Variants in SCN7A observed in about 807,000 individuals in gnomAD.
SCN7A encodes the protein sodium channel protein type 7 subunit alpha.
In SCN7A, 138 loss-of-function variants were observed where a neutral mutation model predicts 155.2. The observed-to-expected ratio is 0.89, with a 90% CI of 0.77 to 1.02. The LOEUF is 1.02. SCN7A is among the 50% of genes least tolerant of loss of function. The pLI, the probability that SCN7A is intolerant of heterozygous loss-of-function variation, is 0.00. For missense variants in SCN7A, 2,058 were observed against 1,986.6 expected (o/e 1.04, Z -0.68); for synonymous variants, 693 against 649.0 (o/e 1.07, Z -1.03).
At chr2:166,477,816 A>G in intron 2 of SCN7A, 106 bp from the exon 3 acceptor site, 1 of 603,768 alleles carries the variant, frequency 1.7e-6, no homozygotes, top group East Asian at 3.1e-5. Flanking sequence ...ATGCATTTAA[A>G]GAACATATTC....
At chr2:166,407,529 T>C (rs1701101054) in intron 25 of SCN7A, among the ~76,000 whole-genome samples, 4 of 151,936 alleles carry the variant, frequency 2.6e-5, no homozygotes, top group Admixed American at 2.6e-4. Flanking sequence ...AAGATGATAT[T>C]TCTCTCTGAT....
In SCN7A at chr2:166,410,427, T is replaced by TA. The variant is rs151313319; in HGVS notation, c.3607-104dup. 5,548 of 744,112 alleles carry TA rather than the reference T, an allele frequency of 7.5e-3. 245 individuals are homozygous for TA. In the East Asian group the frequency reaches 0.12, roughly 16 times the overall value. The allele number at this position is 744,112 out of a possible 1,614,324, so 46.1% of individuals were successfully genotyped here. A position where few individuals can be genotyped will look rare whatever the true frequency, so the allele number is the denominator to read the frequency against. ...CTTGGCAATTATTGATTTAATCTTC[T>TA]AAAAAAAAGGCTTAAGTGCAGTGAA... On this transcript the variant is annotated intron_variant, in intron 23 of 25. Coordinates refer to ENST00000643258, the MANE Select transcript of SCN7A (RefSeq NM_002976.4).
chr2:166,414,004 A>ATATATATATATATATATATAT (rs1559087806), intron 21 of SCN7A, among the ~76,000 whole-genome samples: 14 of 45,800 alleles, frequency 3.1e-4, no homozygotes, highest in South Asian at 1.1e-3. Context: ...TATATATATA[A>ATATATATATATATATATATAT]ATATACTATA....
At chr2:166,406,902 T>C (rs1701088848) in intron 25 of SCN7A, among the ~76,000 whole-genome samples, 1 of 152,012 alleles carries the variant, frequency 6.6e-6, no homozygotes, top group South Asian at 2.1e-4. Context: ...CTAAGAGTAT[T>C]ACAGATCAAG....
At position 166,410,319 on chromosome 2, in the gene SCN7A, T is replaced by G. The variant is rs536257939; in HGVS notation, c.3612A>C (p.Gly1204=). ...TAACCGTTATAAAGATATTTGAGCC[T>G]CCCAGGTAAAGAAAGGAAAGAAAAA... ...DNFNKHKIKL[G]GSNIFITVKQ... Residue 1204 remains glycine (G), a synonymous_variant, in exon 24 of 26, where the codon GGA becomes GGC. Transcript: ENST00000643258. The G allele has an allele frequency of 2.6e-6, 4 of 1,536,848 alleles. No homozygotes were observed. In the African/African-American group the frequency reaches 5.5e-5, roughly 21 times the overall value.
chr2:166,414,002 TAAATATACTATATATATGTAA>T (rs1701265130), intron 21 of SCN7A, among the ~76,000 whole-genome samples: 2 of 90,308 alleles, frequency 2.2e-5, no homozygotes, highest in South Asian at 3.1e-4. Flanking sequence ...TATATATATA[TAAATATACTATATATATGTAA>T]ATATATATAA....
Position 166,457,065 on chromosome 2 carries a change from A to G in SCN7A, c.1095T>C (p.Ala365=). The change falls in exon 11 of 26, where the codon GCT becomes GCC. Residue 365 remains alanine (A), a synonymous_variant. Transcript: ENST00000643258. Reference sequence around the variant, plus strand: ...AAAATATCATGTAGACCTTCCCAGAAGCATAAAGTATCTAAGGAAAGGTAG... The same window carrying G: ...AAAATATCATGTAGACCTTCCCAGAGGCATAAAGTATCTAAGGAAAGGTAG... ...PEVLYHQILY[A]SGKVYMIFFV... is the part of the protein sequence containing the mutation. The G allele has an allele frequency of 1.2e-6, 2 of 1,604,400 alleles. No homozygotes were observed. Among genetic ancestry groups the G allele is most frequent in the Non-Finnish European group, 1.7e-6 (2 of 1,175,406 alleles).
chr2:166,441,511 A>G lies in SCN7A; in HGVS notation c.2042T>C (p.Val681Ala), dbSNP rs562317307. ...MHDFFHSFLN[V>A]FRILCGEWVE... ...CCACTCTCCACAGAGAATTCGGAAC[A>G]CATTCAGGAAGGAGTGGAAAAAGTC... Residue 681 changes from valine to alanine, a missense_variant, in exon 15 of 26, where the codon GTG (valine) becomes GCG (alanine). By Grantham distance (64) the Val-to-Ala change is moderately conservative. Coordinates refer to ENST00000643258, the MANE Select transcript of SCN7A (RefSeq NM_002976.4). 116 of 1,614,010 alleles carry G rather than the reference A, an allele frequency of 7.2e-5. No homozygotes were observed. Among genetic ancestry groups the G allele is most frequent in the Non-Finnish European group, 8.9e-5 (105 of 1,179,990 alleles).
intron 14 of SCN7A, among the ~76,000 whole-genome samples, chr2:166,442,885 T>C (rs1701989759): frequency 1.3e-5 from 2 of 152,180 alleles, no homozygotes; most frequent in Admixed American, 6.5e-5. Flanking sequence ...TGAGCTGCCC[T>C]CTAGGAAGTA....
At chr2:166,462,571 A>T in intron 9 of SCN7A, 41 bp from the exon 10 acceptor site, 1 of 1,590,710 alleles carries the variant, frequency 6.3e-7, no homozygotes, top group Non-Finnish European at 8.6e-7. Flanking sequence ...CTATTAGGTG[A>T]CTATCAGATT....
Position 166,444,806 on chromosome 2 carries a change from G to T in SCN7A, c.1582C>A (p.Pro528Thr). 1 of 1,604,794 alleles carries T rather than the reference G, an allele frequency of 6.2e-7. No individual in the cohort carries two copies. The highest frequency in any genetic ancestry group is 1.1e-5 in the South Asian group (1 of 89,770). ...NVCFLTLEHY[P>T]MSKQTNTLLN... ...AGAGTGTTAGTTTGTTTACTCATTG[G>T]ATAATGCTCCAAGGTCAGAAAACAT... Residue 528 changes from proline (P) to threonine (T), a missense_variant, in exon 13 of 26, where the codon CCA (proline) becomes ACA (threonine). Pro to Thr is a conservative substitution (Grantham distance 38). Coordinates refer to ENST00000643258, the MANE Select transcript of SCN7A (RefSeq NM_002976.4).
intron 3 of SCN7A, among the ~76,000 whole-genome samples, 189 bp downstream of exon 3, chr2:166,477,274 T>C (rs1017640848): frequency 1.3e-5 from 2 of 151,954 alleles, no homozygotes; most frequent in African/African-American, 2.4e-5. Flanking sequence ...AGGTAAGATA[T>C]CAGTTTTGAC....
In SCN7A at chr2:166,405,375, C is replaced by G; in HGVS notation, c.*205G>C. 2.0e-6 allele frequency: 1 copy of G among 500,122 alleles called. No homozygotes were observed. The highest frequency in any genetic ancestry group is 3.2e-5 in the East Asian group (1 of 30,918). The allele number at this position is 500,122 out of a possible 1,614,324, so 31.0% of individuals were successfully genotyped here. On this transcript the variant is annotated 3_prime_UTR_variant, in exon 26 of 26. Transcript: ENST00000643258. ...AATGGCCACTTTAACCCACTTTAAA[C>G]TCACTGCAGCAATATTAAGGATTCT...
intron 18 of SCN7A, among the ~76,000 whole-genome samples, chr2:166,424,471 T>C (rs1701578175): frequency 6.6e-6 from 1 of 151,900 alleles, no homozygotes; most frequent in Admixed American, 6.6e-5. Context: ...GCCCTAATTG[T>C]AGAAAGGAGA....
chr2:166,407,972 T>C (rs988610408), intron 25 of SCN7A, among the ~76,000 whole-genome samples: 3 of 151,970 alleles, frequency 2.0e-5, no homozygotes, highest in Non-Finnish European at 2.9e-5. Context: ...ATATGTGGTG[T>C]TTGGATTTCT....
chr2:166,491,762 C>T (rs1477221552), intron 1 of SCN7A, among the ~76,000 whole-genome samples: 1 of 148,834 alleles, frequency 6.7e-6, no homozygotes, highest in Non-Finnish European at 1.5e-5. Context: ...TGGGGGTGGG[C>T]AGAGGTTATA....
At chr2:166,449,042 A>G (rs771027471) in intron 11 of SCN7A, among the ~76,000 whole-genome samples, 3 of 152,198 alleles carry the variant, frequency 2.0e-5, no homozygotes, top group Non-Finnish European at 2.9e-5. Flanking sequence ...TGTCTCTTGA[A>G]TAATGGTTTT....
chr2:166,447,808 C>A, intron 11 of SCN7A, 100 bp from the exon 12 acceptor site: 1 of 748,250 alleles, frequency 1.3e-6, no homozygotes, highest in South Asian at 1.7e-5. Flanking sequence ...CTTATTCTCC[C>A]GGAGCCTTTT....
intron 1 of SCN7A, among the ~76,000 whole-genome samples, chr2:166,493,644 A>G (rs1418070408): frequency 6.6e-6 from 1 of 152,242 alleles, no homozygotes; most frequent in East Asian, 1.9e-4. Flanking sequence ...CTATCATTGT[A>G]CCATGTAATG....
Sources: gnomAD v4.1 joint callset for allele counts (sites outside exome capture counted in the v4.1 genomes callset) on GRCh38, gnomAD v4.1.1 for gene constraint, MANE v1.5 for transcripts, NCBI Gene and HGNC (gene_info 2026-07-23, HGNC 2026-07-21) for gene names.